Variants in SRPK2 observed in about 807,000 individuals in gnomAD.
SRPK2 encodes the protein SRSF protein kinase 2, also known as SFRS protein kinase 2.
Under a neutral mutation model 90.8 loss-of-function variants are expected in SRPK2, and 21 were observed. The observed-to-expected ratio is 0.23, with a 90% CI of 0.16 to 0.33. The LOEUF is 0.33. SRPK2 is among the 10% of genes least tolerant of loss of function. SRPK2 has a pLI of 1.00. For synonymous variants in SRPK2, 288 were observed against 311.1 expected, an observed-to-expected ratio of 0.93 and a Z score of 0.78; for missense variants, 620 against 869.0, an observed-to-expected ratio of 0.71 and a Z score of 3.60.
chr7:105,323,522 C>T (rs564747216), intron 2 of SRPK2, among the ~76,000 whole-genome samples: 1 of 152,314 alleles, frequency 6.6e-6, no homozygotes, highest in African/African-American at 2.4e-5. Flanking sequence ...CAGTCTATTA[C>T]TTTTGCAAGG....
intron 15 of SRPK2, among the ~76,000 whole-genome samples, chr7:105,125,333 T>G (rs1303304491): frequency 2.6e-5 from 4 of 152,090 alleles, no homozygotes; most frequent in Non-Finnish European, 5.9e-5. Context: ...GGATGTCATT[T>G]TTAAGAATGT....
chr7:105,289,818 T>C (rs2130992514), intron 2 of SRPK2, among the ~76,000 whole-genome samples: 1 of 152,152 alleles, frequency 6.6e-6, no homozygotes, highest in South Asian at 2.1e-4. Flanking sequence ...GCCTCTGACA[T>C]GCCTTCCTCA....
chr7:105,149,012 C>G (rs1338025930), intron 7 of SRPK2, among the ~76,000 whole-genome samples: 2 of 152,202 alleles, frequency 1.3e-5, no homozygotes, highest in South Asian at 2.1e-4. Context: ...TCCAAGGTTT[C>G]TCCCCATGTG....
At chr7:105,325,526 A>T (rs2131602597) in intron 2 of SRPK2, among the ~76,000 whole-genome samples, 1 of 142,224 alleles carries the variant, frequency 7.0e-6, no homozygotes, top group African/African-American at 2.6e-5. Flanking sequence ...ATTTAATGGC[A>T]TCATTTTCCC....
intron 2 of SRPK2, among the ~76,000 whole-genome samples, chr7:105,386,804 G>C (rs912649895): frequency 1.3e-5 from 2 of 152,192 alleles, no homozygotes; most frequent in African/African-American, 2.4e-5. Flanking sequence ...AATTGGGCTG[G>C]TCCCGTTACC....
intron 2 of SRPK2, among the ~76,000 whole-genome samples, chr7:105,247,720 T>A (rs569619633): frequency 5.5e-4 from 83 of 151,900 alleles, no homozygotes; most frequent in African/African-American, 1.1e-3. Context: ...CTATTTTTTT[T>A]AAAAAAAAGT....
chr7:105,287,658 C>G (rs865925903), intron 2 of SRPK2, among the ~76,000 whole-genome samples: 2 of 152,074 alleles, frequency 1.3e-5, no homozygotes, highest in African/African-American at 4.8e-5. Flanking sequence ...ATCGCTTGAA[C>G]CCAGGAGGTG....
At chr7:105,240,041 T>A (rs974856068) in intron 2 of SRPK2, among the ~76,000 whole-genome samples, 1 of 152,184 alleles carries the variant, frequency 6.6e-6, no homozygotes, top group Non-Finnish European at 1.5e-5. Flanking sequence ...TCTGTTTAGG[T>A]TGCTATAACA....
At position 105,283,617 on chromosome 7, in the gene SRPK2, G is replaced by T. The variant is rs569308228; in HGVS notation, c.72-79832C>A. On this transcript the variant is annotated intron_variant, in intron 2 of 15. Transcript: ENST00000393651. ...AGTGATTGCGGGTAGGGCAGGGTGG[G>T]AATGAGGAGTGTTTGCTAACACAAA... 1.8e-4 allele frequency among the ~76,000 whole-genome samples: 28 copies of T among 152,238 alleles called. 1 individual carries two copies. In the South Asian group the frequency reaches 5.8e-3, roughly 32 times the overall value.
chr7:105,353,544 T>TGTTGTTGTTGTTGTTGTA (rs56935575), intron 2 of SRPK2, among the ~76,000 whole-genome samples: 1 of 150,326 alleles, frequency 6.7e-6, no homozygotes, highest in East Asian at 2.0e-4. Context: ...TTGTTGTTGT[T>TGTTGTTGTTGTTGTTGTA]TGGTGGAGAC....
intron 2 of SRPK2, among the ~76,000 whole-genome samples, chr7:105,316,873 T>A (rs1451458016): frequency 1.3e-5 from 2 of 152,130 alleles, no homozygotes; most frequent in African/African-American, 4.8e-5. Context: ...GACCTGTTTA[T>A]CTCATTTGCA....
intron 2 of SRPK2, among the ~76,000 whole-genome samples, chr7:105,248,913 G>A (rs1487952797): frequency 2.0e-5 from 3 of 149,046 alleles, no homozygotes; most frequent in Non-Finnish European, 3.0e-5. Context: ...GTGACAGACC[G>A]AAGCTCCATC....
chr7:105,193,335 T>A (rs1476130549), intron 3 of SRPK2, among the ~76,000 whole-genome samples: 1 of 152,154 alleles, frequency 6.6e-6, no homozygotes, highest in Admixed American at 6.5e-5. Flanking sequence ...CAAAGATCAG[T>A]TGGCTGTAAG....
At chr7:105,159,039 G>T (rs1807011905) in intron 7 of SRPK2, among the ~76,000 whole-genome samples, 1 of 152,018 alleles carries the variant, frequency 6.6e-6, no homozygotes, top group Admixed American at 6.6e-5. Flanking sequence ...CTGAACAAAA[G>T]TTAGCCATAA....
At chr7:105,275,048 T>G (rs1806308431) in intron 2 of SRPK2, among the ~76,000 whole-genome samples, 2 of 152,038 alleles carry the variant, frequency 1.3e-5, no homozygotes, top group South Asian at 4.1e-4. Flanking sequence ...CCACCACGCC[T>G]GACAAATTTT....
chr7:105,347,115 G>T (rs988926325), intron 2 of SRPK2, among the ~76,000 whole-genome samples: 1 of 151,156 alleles, frequency 6.6e-6, no homozygotes, highest in Non-Finnish European at 1.5e-5. Context: ...CTGAAGTGCA[G>T]TGGGCATGAT....
chr7:105,221,276 A>G (rs1798060588), intron 2 of SRPK2, among the ~76,000 whole-genome samples: 1 of 152,210 alleles, frequency 6.6e-6, no homozygotes, highest in Non-Finnish European at 1.5e-5. Flanking sequence ...TAGAATTTGA[A>G]AAGTACAGAG....
chr7:105,315,512 G>A (rs998887374), intron 2 of SRPK2, among the ~76,000 whole-genome samples: 1 of 152,156 alleles, frequency 6.6e-6, no homozygotes, highest in African/African-American at 2.4e-5. Flanking sequence ...CTAACGCTGT[G>A]TATTACTACT....
chr7:105,299,794 T>C (rs1184793600), intron 2 of SRPK2, among the ~76,000 whole-genome samples: 1 of 152,120 alleles, frequency 6.6e-6, no homozygotes, highest in Admixed American at 6.6e-5. Context: ...CCTGGGAGGC[T>C]GAGGCAGGAG....
Sources: allele counts gnomAD v4.1 joint callset (sites outside exome capture counted in the v4.1 genomes callset), GRCh38; gene constraint gnomAD v4.1.1; transcripts MANE v1.5; gene names NCBI Gene and HGNC (gene_info 2026-07-23, HGNC 2026-07-21).